SH3BP5: variants seen among roughly 807,000 people sequenced by gnomAD.
SH3BP5 encodes SH3 domain binding protein 5.
SH3BP5 carries 22 observed loss-of-function variants against 43.3 expected under a neutral mutation model. The observed-to-expected ratio is 0.51, with a 90% CI of 0.36 to 0.73. The LOEUF is 0.73. Ranked by LOEUF, SH3BP5 falls within the 30% of genes least tolerant of loss-of-function variation. The pLI, the probability that SH3BP5 is intolerant of heterozygous loss-of-function variation, is 0.00. For synonymous variants in SH3BP5, 255 were observed against 225.8 expected (o/e 1.13, Z -1.16); for missense variants, 529 against 586.9 (o/e 0.90, Z 1.02).
intron 3 of SH3BP5, among the ~76,000 whole-genome samples, chr3:15,281,514 A>G (rs562680258): frequency 6.6e-6 from 1 of 152,264 alleles, no homozygotes; most frequent in African/African-American, 2.4e-5. Context: ...CCTCTCCAGC[A>G]GAAGAACCAG....
chr3:15,294,741 G>GT (rs1266964175), intron 3 of SH3BP5, among the ~76,000 whole-genome samples: 1 of 152,148 alleles, frequency 6.6e-6, no homozygotes, highest in East Asian at 1.9e-4. Context: ...TGCCATTAAT[G>GT]TAAGGACATC....
intron 3 of SH3BP5, among the ~76,000 whole-genome samples, chr3:15,299,744 A>C (rs997093497): frequency 3.1e-4 from 47 of 152,170 alleles, no homozygotes; most frequent in African/African-American, 1.1e-3. Context: ...AACTCTTCAA[A>C]GAAAATCAAG....
rs1329942596 is a variant in SH3BP5 at position 15,255,034 on chromosome 3, AAATGCT to A, written c.*1046_*1051del. The A allele has an allele frequency of 1.3e-5, 2 of 152,522 alleles. No homozygotes were observed. 9.4% of individuals were successfully genotyped at this position (152,522 alleles called of 1,614,324 possible). On this transcript the variant is annotated 3_prime_UTR_variant, in exon 9 of 9. Transcript: ENST00000383791. ...AAAGAGGGTTGCTTTTTTCTTTTAG[AAATGCT>A]AAATTTTCTTAACAAGACAAAAATA...
intron 2 of SH3BP5, among the ~76,000 whole-genome samples, chr3:15,319,262 C>T (rs183046762): frequency 4.6e-5 from 7 of 152,302 alleles, no homozygotes; most frequent in African/African-American, 1.2e-4. Flanking sequence ...TCCATCTTGC[C>T]TTTATCGTTG....
At chr3:15,282,089 C>G (rs188880150) in intron 3 of SH3BP5, among the ~76,000 whole-genome samples, 105 of 152,218 alleles carry the variant, frequency 6.9e-4, no homozygotes, top group African/African-American at 2.5e-3. Flanking sequence ...ACTATGAGGC[C>G]GTATTCTGTG....
Position 15,258,846 on chromosome 3 carries a change from G to A in SH3BP5, c.874C>T (p.Pro292Ser), listed in dbSNP as rs1193829586. Reference protein sequence around the residue: ...VEDLPGSKPEPDAISVASEAF... With the variant: ...VEDLPGSKPESDAISVASEAF... ...CCTGACTTACCAGAAATGGCATCAG[G>A]CTCAGGTTTGCTCCCTGGCAGATCC... The change falls in exon 7 of 9, where the codon CCT becomes TCT. Residue 292 changes from proline (P) to serine (S), a missense_variant. Physicochemically the swap from Pro to Ser is moderately conservative, Grantham distance 74. Coordinates refer to ENST00000383791, the MANE Select transcript of SH3BP5 (RefSeq NM_004844.5). 6.2e-7 allele frequency: 1 copy of A among 1,613,888 alleles called. No homozygotes were observed. The highest frequency in any genetic ancestry group is 8.5e-7 in the Non-Finnish European group (1 of 1,179,938).
upstream of SH3BP5, among the ~76,000 whole-genome samples, chr3:15,337,084 GTTTT>G (rs374056927): frequency 5.0e-5 from 5 of 100,112 alleles, no homozygotes; most frequent in African/African-American, 1.6e-4. Flanking sequence ...TTTTAGTTTA[GTTTT>G]TTTTTTTTTT....
chr3:15,340,821 G>A (rs904915241), intron 1 of SH3BP5, among the ~76,000 whole-genome samples: 2 of 152,004 alleles, frequency 1.3e-5, no homozygotes, highest in Admixed American at 6.6e-5. Flanking sequence ...GGGAAGCTGA[G>A]GCGGGCGGAT....
At chr3:15,338,464 A>G (rs1215109617) in intron 1 of SH3BP5, among the ~76,000 whole-genome samples, 1 of 152,246 alleles carries the variant, frequency 6.6e-6, no homozygotes, top group Admixed American at 6.5e-5. Flanking sequence ...TCAATATCGG[A>G]AGAAACTGAT....
chr3:15,262,056 AG>A, intron 5 of SH3BP5, 102 bp downstream of exon 5: 1 of 1,371,594 alleles, frequency 7.3e-7, no homozygotes, highest in Non-Finnish European at 1.0e-6. Context: ...TCTACATCAA[AG>A]GACTACTCAG....
intron 2 of SH3BP5, among the ~76,000 whole-genome samples, chr3:15,325,552 T>C (rs528805646): frequency 9.2e-4 from 140 of 152,338 alleles, no homozygotes; most frequent in Non-Finnish European, 1.6e-3. Flanking sequence ...TTTGCCTCCT[T>C]TGTATACATC....
chr3:15,337,283 C>T (rs1156742848), upstream of SH3BP5, among the ~76,000 whole-genome samples: 4 of 151,840 alleles, frequency 2.6e-5, no homozygotes, highest in African/African-American at 9.7e-5. Context: ...TGAAGTTTCA[C>T]CATGTTGGCC....
chr3:15,329,149 CAA>C (rs72054480), intron 2 of SH3BP5, among the ~76,000 whole-genome samples: 21,433 of 141,608 alleles, frequency 0.15, 1,769 homozygotes, highest in South Asian at 0.33. Flanking sequence ...GACTCTGTCT[CAA>C]AAAAAAAAAA....
chr3:15,284,861 G>T (rs1204283605), intron 3 of SH3BP5, among the ~76,000 whole-genome samples: 1 of 152,210 alleles, frequency 6.6e-6, no homozygotes, highest in Non-Finnish European at 1.5e-5. Flanking sequence ...GAGGAGAGAA[G>T]GACAACTCAA....
intron 4 of SH3BP5, chr3:15,264,280 T>TG (rs993329837): frequency 6.8e-6 from 1 of 147,824 alleles, no homozygotes; most frequent in African/African-American, 2.5e-5. Flanking sequence ...TACAAATGGT[T>TG]TTTTTTTTTT....
intron 2 of SH3BP5, among the ~76,000 whole-genome samples, chr3:15,315,217 CAT>C (rs1208620795): frequency 5.3e-5 from 8 of 151,652 alleles, no homozygotes; most frequent in African/African-American, 4.8e-5. Context: ...CCAACTGAAA[CAT>C]GTGGTTTCCC....
chr3:15,330,852 A>G (rs1415806003), intron 1 of SH3BP5: 1 of 499,660 alleles, frequency 2.0e-6, no homozygotes, highest in Admixed American at 6.4e-5. Flanking sequence ...GGTAAACCCC[A>G]CCTGTTACAA....
chr3:15,313,350 G>A (rs573747187), intron 2 of SH3BP5, among the ~76,000 whole-genome samples: 4 of 152,274 alleles, frequency 2.6e-5, no homozygotes, highest in Middle Eastern at 3.4e-3. Context: ...AAATGATGGC[G>A]GCAGCAGCAG....
chr3:15,300,670 G>A (rs188059010), intron 3 of SH3BP5, among the ~76,000 whole-genome samples: 51 of 152,200 alleles, frequency 3.4e-4, no homozygotes, highest in Non-Finnish European at 6.2e-4. Flanking sequence ...TGTGACATCT[G>A]TGCCCTGCCT....
Sources: gnomAD v4.1 joint callset for allele counts (sites outside exome capture counted in the v4.1 genomes callset) on GRCh38, gnomAD v4.1.1 for gene constraint, MANE v1.5 for transcripts, NCBI Gene and HGNC (gene_info 2026-07-23, HGNC 2026-07-21) for gene names.